Variants in ZNF385D observed in about 807,000 individuals in gnomAD.
The protein encoded by ZNF385D is zinc finger protein 659.
A neutral mutation model predicts 35.8 loss-of-function variants in ZNF385D; 15 were observed. The ratio of observed to expected loss-of-function variants is 0.42; its 90% CI spans 0.28 to 0.64. The LOEUF is 0.64. ZNF385D is among the 30% of genes least tolerant of loss of function. ZNF385D has a pLI of 0.23. For synonymous variants in ZNF385D, 212 were observed against 186.8 expected (o/e 1.13, Z -1.10); for missense variants, 474 against 494.6 (o/e 0.96, Z 0.39).
chr3:22,027,282 G>A (rs1182278377), intron 3 of ZNF385D, among the ~76,000 whole-genome samples: 2 of 152,174 alleles, frequency 1.3e-5, no homozygotes, highest in South Asian at 2.1e-4. Context: ...CCCATTTACT[G>A]AGTGACCTGA....
intron 2 of ZNF385D, among the ~76,000 whole-genome samples, chr3:22,258,033 C>G (rs1700404543): frequency 6.6e-6 from 1 of 151,612 alleles, no homozygotes; most frequent in Non-Finnish European, 1.5e-5. Context: ...GTGTTTTACA[C>G]AAAGATCAGA....
At chr3:22,177,098 G>A (rs1297453334) in intron 2 of ZNF385D, among the ~76,000 whole-genome samples, 1 of 152,064 alleles carries the variant, frequency 6.6e-6, no homozygotes, top group Non-Finnish European at 1.5e-5. Flanking sequence ...GGGCCTCCTT[G>A]GCAAAACATG....
At chr3:22,056,772 T>C (rs920879658) in intron 3 of ZNF385D, among the ~76,000 whole-genome samples, 1 of 152,220 alleles carries the variant, frequency 6.6e-6, no homozygotes, top group Non-Finnish European at 1.5e-5. Context: ...TGAGGGTAGA[T>C]TGGAATCAGT....
intron 5 of ZNF385D, among the ~76,000 whole-genome samples, chr3:21,432,304 A>C (rs1701327898): frequency 6.6e-6 from 1 of 152,138 alleles, no homozygotes; most frequent in Non-Finnish European, 1.5e-5. Flanking sequence ...TTGTTAAGGC[A>C]AAAGTTTAGA....
chr3:21,955,055 T>C (rs756551446), intron 3 of ZNF385D, among the ~76,000 whole-genome samples: 20 of 152,298 alleles, frequency 1.3e-4, no homozygotes, highest in Non-Finnish European at 1.9e-4. Flanking sequence ...AGGTTTTTTA[T>C]CGTTACCAAC....
At chr3:21,503,284 A>G (rs1559354196) in intron 4 of ZNF385D, among the ~76,000 whole-genome samples, 2 of 152,182 alleles carry the variant, frequency 1.3e-5, no homozygotes, top group African/African-American at 4.8e-5. Flanking sequence ...AATATATCCT[A>G]TATACAAACA....
chr3:21,797,862 C>T (rs1473523423), intron 3 of ZNF385D, among the ~76,000 whole-genome samples: 1 of 152,108 alleles, frequency 6.6e-6, no homozygotes, highest in African/African-American at 2.4e-5. Flanking sequence ...GTGGGGGATG[C>T]ATAGGCAGAA....
intron 2 of ZNF385D, among the ~76,000 whole-genome samples, chr3:21,663,263 T>G (rs75363725): frequency 0.019 from 2,861 of 152,300 alleles, 45 homozygotes; most frequent in Non-Finnish European, 0.029. Context: ...TCACTCATCT[T>G]TGTTTTATGT....
chr3:21,440,522 G>A (rs1701806289), intron 4 of ZNF385D, among the ~76,000 whole-genome samples: 1 of 152,066 alleles, frequency 6.6e-6, no homozygotes, highest in Non-Finnish European at 1.5e-5. Flanking sequence ...GATCCTGAAT[G>A]AGATTCTAGG....
intron 2 of ZNF385D, among the ~76,000 whole-genome samples, chr3:22,238,728 T>A (rs1699327336): frequency 6.6e-6 from 1 of 150,856 alleles, no homozygotes; most frequent in South Asian, 2.2e-4. Flanking sequence ...TTTCTTAATA[T>A]TTTTTATATA....
At chr3:22,006,327 A>C (rs569480553) in intron 3 of ZNF385D, among the ~76,000 whole-genome samples, 2 of 152,216 alleles carry the variant, frequency 1.3e-5, no homozygotes, top group African/African-American at 4.8e-5. Context: ...TCCTAGTTGT[A>C]CAAAAATCTG....
In ZNF385D at chr3:21,424,016, T is replaced by G; in HGVS notation, c.901A>C (p.Lys301Gln). The change falls in exon 7 of 8, where the codon AAA becomes CAA. Residue 301 changes from lysine (K) to glutamine (Q), a missense_variant. Lys to Gln is a moderately conservative substitution (Grantham distance 53). Transcript: ENST00000281523. ...HKDRAAGKPPKPKYSPYNKLQ... is the reference protein window; with the variant it reads ...HKDRAAGKPPQPKYSPYNKLQ... ...TTGTTGTAAGGACTGTATTTAGGTT[T>G]CGGGGGCTTCCCAGCAGCTCTGTCT... 6.2e-7 allele frequency: 1 copy of G among 1,605,118 alleles called. No homozygotes were observed. The highest frequency in any genetic ancestry group is 8.5e-7 in the Non-Finnish European group (1 of 1,177,222).
chr3:21,565,218 C>T (rs147768541), intron 2 of ZNF385D, among the ~76,000 whole-genome samples: 1 of 151,968 alleles, frequency 6.6e-6, no homozygotes, highest in Non-Finnish European at 1.5e-5. Context: ...TTAAGTCATT[C>T]AGCAATCACT....
chr3:21,780,418 T>A (rs1278825476), intron 3 of ZNF385D, among the ~76,000 whole-genome samples: 1 of 152,036 alleles, frequency 6.6e-6, no homozygotes, highest in Non-Finnish European at 1.5e-5. Flanking sequence ...CTACTTTTGT[T>A]TCTACTGCGC....
chr3:21,689,113 GC>G (rs1265103000), intron 1 of ZNF385D, among the ~76,000 whole-genome samples: 4 of 129,602 alleles, frequency 3.1e-5, no homozygotes, highest in Non-Finnish European at 6.3e-5. Context: ...CATCTGTCCT[GC>G]CCCACCTTAT....
chr3:22,009,496 G>A (rs1487714722), intron 3 of ZNF385D, among the ~76,000 whole-genome samples: 1 of 151,686 alleles, frequency 6.6e-6, no homozygotes, highest in African/African-American at 2.4e-5. Flanking sequence ...GGTGTCGGGT[G>A]CCTATAGTCC....
intron 3 of ZNF385D, among the ~76,000 whole-genome samples, chr3:21,921,792 G>T (rs1700476908): frequency 6.8e-6 from 1 of 147,718 alleles, no homozygotes. Context: ...GAATCAAGAA[G>T]AATTTGAAAC....
chr3:22,021,913 T>C (rs978446785), intron 3 of ZNF385D, among the ~76,000 whole-genome samples: 3 of 152,086 alleles, frequency 2.0e-5, no homozygotes, highest in African/African-American at 7.2e-5. Context: ...GTGATTCTAA[T>C]GTGCAGACAA....
At chr3:21,532,428 C>G (rs555739077) in intron 3 of ZNF385D, among the ~76,000 whole-genome samples, 1 of 152,014 alleles carries the variant, frequency 6.6e-6, no homozygotes, top group Non-Finnish European at 1.5e-5. Context: ...TTATATAAAT[C>G]GCAAACATTT....
Sources: allele counts gnomAD v4.1 joint callset (sites outside exome capture counted in the v4.1 genomes callset), GRCh38; gene constraint gnomAD v4.1.1; transcripts MANE v1.5; gene names NCBI Gene and HGNC (gene_info 2026-07-23, HGNC 2026-07-21).